MYH14: variants seen among roughly 807,000 people sequenced by gnomAD.
MYH14 encodes myosin heavy chain 14, also known as myosin-14.
A neutral mutation model predicts 255.5 loss-of-function variants in MYH14; 123 were observed. The observed-to-expected ratio is 0.48, with a 90% CI of 0.42 to 0.56. The LOEUF (loss-of-function observed/expected upper bound fraction) is 0.56, where lower values mean the gene tolerates loss of function less well. Ranked by LOEUF, MYH14 falls within the 20% of genes least tolerant of loss-of-function variation. MYH14 has a pLI of 0.00. For synonymous variants in MYH14, 1,095 were observed against 1,161.2 expected (o/e 0.94, Z 1.16); for missense variants, 2,423 against 2,802.3 (o/e 0.86, Z 3.06).
intron 6 of MYH14, chr19:50,224,942 T>C: frequency 2.4e-6 from 1 of 415,158 alleles, no homozygotes; most frequent in Non-Finnish European, 4.9e-6. Flanking sequence ...CCATCTCTAC[T>C]AAAAATTTTA....
intron 26 of MYH14, among the ~76,000 whole-genome samples, 156 bp from the exon 27 acceptor site, chr19:50,272,404 G>C (rs1464151657): frequency 6.6e-6 from 1 of 152,092 alleles, no homozygotes; most frequent in East Asian, 1.9e-4. Flanking sequence ...TGTGGGAAGA[G>C]TCCCTGAGAT....
In MYH14 at chr19:50,261,556, C is replaced by A; in HGVS notation, c.2506C>A (p.Leu836Met). The A allele has an allele frequency of 6.2e-7, 1 of 1,600,266 alleles. No individual in the cohort carries two copies. Residue 836 changes from leucine (L) to methionine (M), a missense_variant, in exon 21 of 43, where the codon CTG (leucine) becomes ATG (methionine). Leu to Met is a conservative substitution (Grantham distance 15). This residue lies in a region of MYH14 where 1,513 missense variants were observed against 1,674.8 expected (regional missense o/e 0.90). Transcript: ENST00000642316. ...CTTCCGGGCTGGGGTCCTGGCCCAG[C>A]TGGAAGAGGAGCGAGACCTGAAGGT... ...IFFRAGVLAQ[L>M]EEERDLKVTD...
At chr19:50,271,138 C>T (rs1209596917) in intron 24 of MYH14, among the ~76,000 whole-genome samples, 1 of 152,072 alleles carries the variant, frequency 6.6e-6, no homozygotes, top group Non-Finnish European at 1.5e-5. Flanking sequence ...GCGGTCATCT[C>T]TCACTGCAGA....
At chr19:50,298,009 G>A (rs761153099) in intron 39 of MYH14, among the ~76,000 whole-genome samples, 3 of 152,038 alleles carry the variant, frequency 2.0e-5, no homozygotes, top group East Asian at 1.9e-4. Flanking sequence ...TGGAGCTTCC[G>A]TGCCCTCCTG....
chr19:50,260,793 A>G (rs945655893), intron 20 of MYH14, 78 bp downstream of exon 20: 14 of 1,123,678 alleles, frequency 1.2e-5, no homozygotes, highest in Admixed American at 3.8e-5. Context: ...GTGTGTGTGC[A>G]TGCATATGTG....
At chr19:50,231,020 C>T (rs140666931) in intron 9 of MYH14, 2 of 253,696 alleles carry the variant, frequency 7.9e-6, no homozygotes, top group African/African-American at 2.2e-5. Flanking sequence ...CTTCTCGGCT[C>T]GTGCTGCCTC....
At position 50,286,651 on chromosome 19, in the gene MYH14, A is replaced by C; in HGVS notation, c.4709A>C (p.Glu1570Ala). 1.3e-6 allele frequency: 2 copies of C among 1,587,214 alleles called. No individual in the cohort carries two copies. The highest frequency in any genetic ancestry group is 1.7e-6 in the Non-Finnish European group (2 of 1,167,684). Residue 1570 changes from glutamate (E) to alanine (A), a missense_variant, in exon 34 of 43, where the codon GAG becomes GCG. By Grantham distance (107) the Glu-to-Ala change is moderately radical (BLOSUM62 -1). Coordinates refer to ENST00000642316, the MANE Select transcript of MYH14 (RefSeq NM_001145809.2). ...LERQNRALRA[E>A]LEALLSSKDD... Reference sequence around the variant, plus strand: ...CGGCAGAACCGGGCCCTGCGGGCTGAGCTGGAGGCACTGCTGAGCAGCAAG... The same window carrying C: ...CGGCAGAACCGGGCCCTGCGGGCTGCGCTGGAGGCACTGCTGAGCAGCAAG...
In MYH14 at chr19:50,276,795, CT is replaced by C; in HGVS notation, c.3720del (p.Leu1241TrpfsTer15). 1 of 1,613,438 alleles carries C rather than the reference CT, an allele frequency of 6.2e-7. No homozygotes were observed. The highest frequency in any genetic ancestry group is 8.5e-7 in the Non-Finnish European group (1 of 1,179,864). On this transcript the variant is annotated frameshift_variant, in exon 29 of 43. Coordinates refer to ENST00000642316, the MANE Select transcript of MYH14 (RefSeq NM_001145809.2). This position sits in a 1 kb window ranked among gnomAD's most constrained non-coding sequence, Gnocchi z 4.3. ...CAGGAGGTGACGGAGCTGAAGAAGACTCTGGAGGAGGAGACTCGCATCCACG... is the reference window on the plus strand; with the variant it reads ...CAGGAGGTGACGGAGCTGAAGAAGACCTGGAGGAGGAGACTCGCATCCACG... ...REQEVTELKK[T>X]LEEETRIHEA...
chr19:50,265,165 G>A (rs980088508), intron 22 of MYH14, among the ~76,000 whole-genome samples: 1 of 152,164 alleles, frequency 6.6e-6, no homozygotes, highest in Non-Finnish European at 1.5e-5. Context: ...AAGCCCTTTC[G>A]TTAGCATGGT....
Position 50,272,697 on chromosome 19 carries a change from C to T in MYH14, c.3433C>T (p.Arg1145Trp), listed in dbSNP as rs773117828. 69 of 1,551,652 alleles carry T rather than the reference C, an allele frequency of 4.4e-5. No homozygotes were observed. Among genetic ancestry groups the T allele is most frequent in the African/African-American group, 1.1e-4 (8 of 73,022 alleles). Residue 1145 changes from arginine to tryptophan, a missense_variant, in exon 27 of 43, where the codon CGG (arginine) becomes TGG (tryptophan). Physicochemically the swap from Arg to Trp is moderately radical, Grantham distance 101. This residue lies in a region of MYH14 where 1,513 missense variants were observed against 1,674.8 expected (regional missense o/e 0.90). Transcript: ENST00000642316. ...RAEELRAQLG[R>W]KEEELQAALA... is the part of the protein sequence containing the mutation. ...AGAGGAGCTGCGGGCCCAGCTGGGC[C>T]GGAAGGAGGAGGAGCTGCAGGCTGC...
intron 24 of MYH14, among the ~76,000 whole-genome samples, chr19:50,269,376 T>C (rs1045131932): frequency 2.6e-5 from 4 of 152,010 alleles, no homozygotes; most frequent in Non-Finnish European, 5.9e-5. Context: ...GAGACAGGGT[T>C]TCAGTATGTT....
rs1158319494 is a variant in MYH14, at chr19:50,272,562, C to T, written c.3298C>T (p.Arg1100Cys). 6 of 1,568,000 alleles carry T rather than the reference C, an allele frequency of 3.8e-6. No homozygotes were observed. The highest frequency in any genetic ancestry group is 2.3e-5 in the East Asian group (1 of 42,714). Residue 1100 changes from arginine to cysteine, a missense_variant and splice_region_variant, in exon 27 of 43, where the codon CGC becomes TGC. Physicochemically the swap from Arg to Cys is radical, Grantham distance 180 (BLOSUM62 -3). Coordinates refer to ENST00000642316, the MANE Select transcript of MYH14 (RefSeq NM_001145809.2). ...YEATIADMED[R>C]LRKEEKGRQE... Reference sequence around the variant, plus strand: ...ACGGCCCCCACCCCTGCCTCCAGACCGCCTACGGAAGGAGGAGAAGGGTCG... The same window carrying T: ...ACGGCCCCCACCCCTGCCTCCAGACTGCCTACGGAAGGAGGAGAAGGGTCG...
At position 50,281,616 on chromosome 19, in the gene MYH14, A is replaced by G; in HGVS notation, c.4313A>G (p.Gln1438Arg). The G allele has an allele frequency of 6.3e-7, 1 of 1,593,280 alleles. No homozygotes were observed. The highest frequency in any genetic ancestry group is 8.6e-7 in the Non-Finnish European group (1 of 1,169,384). ...QAQLSEWRRR[Q>R]EEEAGALEAG... is the part of the protein sequence containing the mutation. Reference sequence around the variant, plus strand: ...CAGCTTTCCGAGTGGCGGCGGCGCCAGGAGGAGGAGGCAGGGGCACTGGAG... The same window carrying G: ...CAGCTTTCCGAGTGGCGGCGGCGCCGGGAGGAGGAGGCAGGGGCACTGGAG... The change falls in exon 33 of 43, where the codon CAG (glutamine) becomes CGG (arginine). Residue 1438 changes from glutamine (Q) to arginine (R), a missense_variant. Physicochemically the swap from Gln to Arg is conservative, Grantham distance 43. Around this residue, in one of 3 missense-constraint regions of MYH14, gnomAD observed 1,513 missense variants for 1,674.8 expected, o/e 0.90. Coordinates refer to ENST00000642316, the MANE Select transcript of MYH14 (RefSeq NM_001145809.2).
In MYH14 at chr19:50,301,701, T is replaced by G; in HGVS notation, c.5510T>G (p.Phe1837Cys). 2 of 1,613,842 alleles carry G rather than the reference T, an allele frequency of 1.2e-6. No individual in the cohort carries two copies. Among genetic ancestry groups the G allele is most frequent in the Non-Finnish European group, 1.7e-6 (2 of 1,179,790 alleles). ...ACAGAGCTGTCAGCTGAGCGCAGTT[T>G]CTCAGCCAAGGCAGAGAGCGGGCGG... ...LTTELSAERS[F>C]SAKAESGRQQ... The change falls in exon 40 of 43, where the codon TTC (phenylalanine) becomes TGC (cysteine). Residue 1837 changes from phenylalanine (F) to cysteine (C), a missense_variant. Physicochemically the swap from Phe to Cys is radical, Grantham distance 205. Transcript: ENST00000642316.
chr19:50,252,616 C>T lies in MYH14; in HGVS notation c.1831-23C>T, dbSNP rs552709676. On this transcript the variant is annotated intron_variant, in intron 15 of 42. Coordinates refer to ENST00000642316, the MANE Select transcript of MYH14 (RefSeq NM_001145809.2). This position sits in a 1 kb window ranked among gnomAD's most constrained non-coding sequence, Gnocchi z 4.2. ...ATGTCTGAGCCTGCAAGTCATCGCCCTCCTCTACCTGACTTCATTCAGGTC... is the reference window on the plus strand; with the variant it reads ...ATGTCTGAGCCTGCAAGTCATCGCCTTCCTCTACCTGACTTCATTCAGGTC... The T allele has an allele frequency of 8.7e-6, 13 of 1,490,384 alleles. No individual in the cohort carries two copies. In the African/African-American group the frequency reaches 1.8e-4, roughly 21 times the overall value. 92.3% of individuals were successfully genotyped at this position (1,490,384 alleles called of 1,614,324 possible).
chr19:50,242,550 C>T (rs1305768076), intron 10 of MYH14, among the ~76,000 whole-genome samples: 1 of 152,158 alleles, frequency 6.6e-6, no homozygotes, highest in Non-Finnish European at 1.5e-5. Flanking sequence ...ATTCAGTTAC[C>T]TCCCACTGGG....
Position 50,232,011 on chromosome 19 carries a change from T to C in MYH14, c.1055T>C (p.Leu352Pro). 1 of 1,613,770 alleles carries C rather than the reference T, an allele frequency of 6.2e-7. No homozygotes were observed. Among genetic ancestry groups the C allele is most frequent in the Non-Finnish European group, 8.5e-7 (1 of 1,179,896 alleles). ...TCCTCTCCCGGCCAGGAGCGGGAAC[T>C]CTTCCAGGAGACGCTGGAGTCGCTG... ...PSSSPGQERE[L>P]FQETLESLRV... The change falls in exon 10 of 43, where the codon CTC becomes CCC. Residue 352 changes from leucine to proline, a missense_variant. Around this residue, in one of 3 missense-constraint regions of MYH14, gnomAD observed 672 missense variants for 881.8 expected, o/e 0.76. Coordinates refer to ENST00000642316, the MANE Select transcript of MYH14 (RefSeq NM_001145809.2).
chr19:50,248,978 GTCCCACAGGCTGACT>G lies in MYH14; in HGVS notation c.1330-6_1338del. 6.2e-7 allele frequency: 1 copy of G among 1,613,126 alleles called. No homozygotes were observed. The highest frequency in any genetic ancestry group is 8.5e-7 in the Non-Finnish European group (1 of 1,179,776). ...AGGCTGCGCCCTTACCATGAGCCCT[GTCCCACAGGCTGACT>G]TCGCGCTGGAGGCCCTGGCCAAGGC... On this transcript the variant is annotated splice_acceptor_variant and splice_polypyrimidine_tract_variant and coding_sequence_variant and intron_variant, in exon 13 of 43. Coordinates refer to ENST00000642316, the MANE Select transcript of MYH14 (RefSeq NM_001145809.2). LOFTEE classifies it high-confidence loss of function.
intron 11 of MYH14, among the ~76,000 whole-genome samples, chr19:50,245,428 AAAAAGAAGAAGAAAGAAAG>A (rs1301908237): frequency 0.014 from 1,775 of 131,222 alleles, 77 homozygotes; most frequent in African/African-American, 0.048. Context: ...TCCAAAAAAA[AAAAAGAAGAAGAAAGAAAG>A]AAAAAGAAGA....
Sources: allele counts gnomAD v4.1 joint callset (sites outside exome capture counted in the v4.1 genomes callset), GRCh38; gene constraint gnomAD v4.1.1; regional missense constraint gnomAD v4.1.1; non-coding constraint Gnocchi (gnomAD v3.1); transcripts MANE v1.5; gene names NCBI Gene and HGNC (gene_info 2026-07-23, HGNC 2026-07-21).